Variants in GPHN observed in about 807,000 individuals in gnomAD.
GPHN encodes the protein gephyrin.
GPHN carries 17 observed loss-of-function variants against 95.5 expected under a neutral mutation model. The observed-to-expected ratio is 0.18, with a 90% CI of 0.12 to 0.27. The LOEUF (loss-of-function observed/expected upper bound fraction) is 0.27, where lower values mean the gene tolerates loss of function less well. GPHN is among the 10% of genes least tolerant of loss of function. The pLI is 1.00. For synonymous variants in GPHN, 320 were observed against 322.5 expected (o/e 0.99, Z 0.08); for missense variants, 660 against 978.1 (o/e 0.67, Z 4.34).
intron 3 of GPHN, among the ~76,000 whole-genome samples, chr14:66,796,227 A>G (rs1296368873): frequency 1.3e-5 from 2 of 152,164 alleles, no homozygotes; most frequent in East Asian, 1.9e-4. Flanking sequence ...CTATTAATCT[A>G]TTGATGGACA....
chr14:66,921,318 A>C (rs1245396384), intron 6 of GPHN, among the ~76,000 whole-genome samples: 1 of 151,904 alleles, frequency 6.6e-6, no homozygotes, highest in Non-Finnish European at 1.5e-5. Context: ...ATTGTATTGC[A>C]GTTTTGATTT....
chr14:67,466,767 TGGA>T, the GPHN span, among the ~76,000 whole-genome samples: 1 of 151,992 alleles, frequency 6.6e-6, no homozygotes. Context: ...CCAAGGCAGG[TGGA>T]TCACCTGAGG....
the GPHN span, among the ~76,000 whole-genome samples, chr14:67,626,619 C>T: frequency 6.6e-6 from 1 of 152,118 alleles, no homozygotes; most frequent in Admixed American, 6.6e-5. Context: ...CACAGGCAAG[C>T]ACCACCATGC....
At chr14:67,038,253 T>C (rs933215859) in intron 10 of GPHN, among the ~76,000 whole-genome samples, 16 of 152,170 alleles carry the variant, frequency 1.1e-4, no homozygotes, top group Admixed American at 9.2e-4. Context: ...TCTAAAGTAA[T>C]TGAACTCATA....
intron 17 of GPHN, among the ~76,000 whole-genome samples, chr14:67,138,480 G>A (rs2153701974): frequency 6.6e-6 from 1 of 152,112 alleles, no homozygotes; most frequent in African/African-American, 2.4e-5. Flanking sequence ...TATAACCCTT[G>A]TTACCTATTT....
intron 4 of GPHN, among the ~76,000 whole-genome samples, chr14:66,846,012 C>T (rs1216803024): frequency 6.6e-6 from 1 of 152,172 alleles, no homozygotes; most frequent in Non-Finnish European, 1.5e-5. Flanking sequence ...TGTCTTCAAG[C>T]AGTTTAAAAC....
intron 10 of GPHN, among the ~76,000 whole-genome samples, chr14:67,052,797 C>CA (rs1181125389): frequency 6.6e-6 from 1 of 152,142 alleles, no homozygotes; most frequent in Non-Finnish European, 1.5e-5. Context: ...GAAACTCACT[C>CA]AAAACCACAC....
chr14:66,554,558 A>C (rs2059937062), intron 1 of GPHN, among the ~76,000 whole-genome samples: 1 of 152,132 alleles, frequency 6.6e-6, no homozygotes, highest in Non-Finnish European at 1.5e-5. Context: ...CATTTATAAA[A>C]CCATCAGATC....
the GPHN span, among the ~76,000 whole-genome samples, chr14:67,559,874 G>A: frequency 4.8e-3 from 728 of 152,194 alleles, 5 homozygotes; most frequent in Non-Finnish European, 7.6e-3. Context: ...CTTTTGTCTT[G>A]GTTGGGTCTC....
At chr14:67,526,428 G>A in the GPHN span, among the ~76,000 whole-genome samples, 1 of 152,262 alleles carries the variant, frequency 6.6e-6, no homozygotes, top group Non-Finnish European at 1.5e-5. Flanking sequence ...TTGGTCTTGT[G>A]CTTTGCACAG....
rs56979886 is a variant in GPHN, at chr14:66,619,488, GT to G, written c.65-61606del. Among the ~76,000 whole-genome samples, 160 of 143,470 alleles carry G rather than the reference GT, an allele frequency of 1.1e-3. 1 individual carries two copies. Among genetic ancestry groups the G allele is most frequent in the Admixed American group, 2.6e-3 (38 of 14,544 alleles). 94.1% of individuals were successfully genotyped at this position (143,470 alleles called of 152,430 possible). A position where few individuals can be genotyped will look rare whatever the true frequency, so the allele number is the denominator to read the frequency against. ...CTAGTAATGTTGAAGATATTCTCAG[GT>G]TTTTTTTTTTTTACCATATGTATAT... On this transcript the variant is annotated intron_variant, in intron 1 of 22. Transcript: ENST00000478722.
chr14:66,773,414 C>G (rs183910712), intron 2 of GPHN, among the ~76,000 whole-genome samples: 9 of 141,322 alleles, frequency 6.4e-5, no homozygotes, highest in Admixed American at 2.3e-4. Flanking sequence ...GTTTCAATGG[C>G]GCAATCTCAG....
the GPHN span, among the ~76,000 whole-genome samples, chr14:67,286,162 T>G: frequency 6.6e-6 from 1 of 152,228 alleles, no homozygotes; most frequent in Non-Finnish European, 1.5e-5. Flanking sequence ...TATGCCTGCC[T>G]CTACCTTCTC....
intron 1 of GPHN, among the ~76,000 whole-genome samples, chr14:66,609,415 G>C (rs978724595): frequency 3.9e-5 from 6 of 152,052 alleles, no homozygotes; most frequent in Non-Finnish European, 1.5e-5. Context: ...TGATGTCTGT[G>C]TGTCTTGGGG....
chr14:66,815,709 C>T (rs1328244026), intron 3 of GPHN, among the ~76,000 whole-genome samples: 4 of 152,108 alleles, frequency 2.6e-5, no homozygotes, highest in African/African-American at 9.7e-5. Flanking sequence ...TACAAAAACA[C>T]ATTGAAGTCC....
At chr14:67,226,375 T>G in the GPHN span, among the ~76,000 whole-genome samples, 2 of 151,446 alleles carry the variant, frequency 1.3e-5, no homozygotes, top group Non-Finnish European at 2.9e-5. Context: ...TTGTTTTGTT[T>G]TTTTGAGACG....
At chr14:66,882,970 C>A (rs2064000151) in intron 5 of GPHN, among the ~76,000 whole-genome samples, 1 of 151,548 alleles carries the variant, frequency 6.6e-6, no homozygotes, top group Non-Finnish European at 1.5e-5. Flanking sequence ...TGGCAAATTT[C>A]TCTGGCTGCT....
chr14:66,593,413 T>C (rs1424617131), intron 1 of GPHN, among the ~76,000 whole-genome samples: 1 of 152,084 alleles, frequency 6.6e-6, no homozygotes, highest in Non-Finnish European at 1.5e-5. Context: ...CTTACAATTA[T>C]GGCAGAAGGG....
the GPHN span, among the ~76,000 whole-genome samples, chr14:67,357,851 A>G: frequency 9.9e-5 from 15 of 152,214 alleles, no homozygotes; most frequent in African/African-American, 3.4e-4. Flanking sequence ...TTACTATTCT[A>G]TCCTCTCACA....
Sources: allele counts gnomAD v4.1 joint callset (sites outside exome capture counted in the v4.1 genomes callset), GRCh38; gene constraint gnomAD v4.1.1; transcripts MANE v1.5; gene names NCBI Gene and HGNC (gene_info 2026-07-23, HGNC 2026-07-21).